SPAG16: variants seen among roughly 807,000 people sequenced by gnomAD.
SPAG16 encodes sperm-associated antigen 16 protein.
In SPAG16, 86 loss-of-function variants were observed where a neutral mutation model predicts 80.4. The observed-to-expected ratio is 1.07, with a 90% CI of 0.90 to 1.28. The LOEUF (loss-of-function observed/expected upper bound fraction) is 1.28, where lower values mean the gene tolerates loss of function less well. Among genes scored for constraint, SPAG16 ranks in the 50% most tolerant of loss-of-function variants. The pLI, the probability that SPAG16 is intolerant of heterozygous loss-of-function variation, is 0.00. For missense variants in SPAG16, 870 were observed against 765.3 expected (o/e 1.14, Z -1.61); for synonymous variants, 294 against 265.9 (o/e 1.11, Z -1.03).
intron 13 of SPAG16, among the ~76,000 whole-genome samples, chr2:214,100,656 G>A (rs2052948324): frequency 6.6e-6 from 1 of 151,978 alleles, no homozygotes; most frequent in Non-Finnish European, 1.5e-5. Context: ...GTTCCTTGTT[G>A]CTATGTTAGT....
chr2:213,801,524 A>G lies in SPAG16; in HGVS notation c.1071-60961A>G, dbSNP rs568705439. Among the ~76,000 whole-genome samples, 30 of 152,374 alleles carry G rather than the reference A, an allele frequency of 2.0e-4. 1 individual carries two copies. Among genetic ancestry groups the G allele is most frequent in the African/African-American group, 6.3e-4 (26 of 41,588 alleles). On this transcript the variant is annotated intron_variant, in intron 10 of 15. Coordinates refer to ENST00000331683, the MANE Select transcript of SPAG16 (RefSeq NM_024532.5). ...CACACAGTCTTTTCAGGATTACACA[A>G]TGAGGCACAGATCTTTACACACTGT... is the stretch of plus-strand genomic sequence containing the variant.
At chr2:213,528,902 T>C (rs1261014268) in intron 10 of SPAG16, among the ~76,000 whole-genome samples, 1 of 152,214 alleles carries the variant, frequency 6.6e-6, no homozygotes, top group African/African-American at 2.4e-5. Context: ...AAGCTTGATC[T>C]AAATGAAAGA....
At chr2:214,355,500 G>A (rs867849893) in intron 15 of SPAG16, among the ~76,000 whole-genome samples, 1,773 of 139,396 alleles carry the variant, frequency 0.013, 39 homozygotes, top group African/African-American at 0.043. Context: ...TTAGAATGGC[G>A]ATCATTAAAA....
chr2:214,046,132 C>G (rs1168676811), intron 13 of SPAG16, among the ~76,000 whole-genome samples: 1 of 152,040 alleles, frequency 6.6e-6, no homozygotes, highest in African/African-American at 2.4e-5. Context: ...ACACATACAA[C>G]CTACCAAGAT....
At chr2:213,453,967 A>G (rs1575627165) in intron 9 of SPAG16, among the ~76,000 whole-genome samples, 1 of 152,122 alleles carries the variant, frequency 6.6e-6, no homozygotes, top group Non-Finnish European at 1.5e-5. Flanking sequence ...CTTTCCATCT[A>G]TTCCTCTTTT....
chr2:213,664,787 C>T (rs1485649482), intron 10 of SPAG16, among the ~76,000 whole-genome samples: 1 of 151,864 alleles, frequency 6.6e-6, no homozygotes, highest in Non-Finnish European at 1.5e-5. Context: ...TCTCTTTCCT[C>T]TTTCTGAAAC....
intron 15 of SPAG16, among the ~76,000 whole-genome samples, chr2:214,386,698 C>CA (rs1700774548): frequency 6.6e-6 from 1 of 151,794 alleles, no homozygotes; most frequent in South Asian, 2.1e-4. Context: ...CCCATCCCTA[C>CA]AAAAAATAAA....
chr2:213,287,504 A>G (rs965541629), intron 1 of SPAG16, among the ~76,000 whole-genome samples: 1 of 152,226 alleles, frequency 6.6e-6, no homozygotes, highest in Admixed American at 6.5e-5. Context: ...CATGGACCCT[A>G]GGAAAGTGGA....
chr2:213,962,353 C>T (rs541493373), intron 12 of SPAG16, among the ~76,000 whole-genome samples: 4 of 151,930 alleles, frequency 2.6e-5, no homozygotes, highest in Admixed American at 6.5e-5. Flanking sequence ...CCACCAAGCC[C>T]GGCTAATTTT....
At chr2:213,311,383 C>A (rs2063179937) in intron 4 of SPAG16, among the ~76,000 whole-genome samples, 1 of 151,692 alleles carries the variant, frequency 6.6e-6, no homozygotes, top group Admixed American at 6.6e-5. Flanking sequence ...TGTGTTAGGA[C>A]ATGTGATGCT....
chr2:213,928,294 A>G (rs2078585421), intron 11 of SPAG16, among the ~76,000 whole-genome samples: 2 of 149,870 alleles, frequency 1.3e-5, no homozygotes, highest in Non-Finnish European at 3.0e-5. Context: ...GGGTTTCACC[A>G]TGTTAGCCAG....
chr2:214,298,419 G>A (rs983634719), intron 15 of SPAG16, among the ~76,000 whole-genome samples: 43 of 152,156 alleles, frequency 2.8e-4, no homozygotes, highest in African/African-American at 8.9e-4. Context: ...TTATCAGAAC[G>A]TAGAAACTGT....
intron 15 of SPAG16, among the ~76,000 whole-genome samples, chr2:214,149,660 G>C (rs969115473): frequency 1.3e-5 from 2 of 152,002 alleles, no homozygotes; most frequent in African/African-American, 4.8e-5. Flanking sequence ...AATATTTTTA[G>C]TGTAATAATT....
chr2:213,886,481 C>T (rs1255000003), intron 11 of SPAG16, among the ~76,000 whole-genome samples: 1 of 152,016 alleles, frequency 6.6e-6, no homozygotes, highest in Non-Finnish European at 1.5e-5. Context: ...GTGTCACTTT[C>T]TGATCCCCAA....
At chr2:214,198,146 GA>G (rs2057900316) in intron 15 of SPAG16, among the ~76,000 whole-genome samples, 1 of 151,822 alleles carries the variant, frequency 6.6e-6, no homozygotes, top group South Asian at 2.1e-4. Flanking sequence ...TGGTTACATG[GA>G]TAAGTTCTTC....
At chr2:213,439,772 A>C (rs1218362829) in intron 9 of SPAG16, among the ~76,000 whole-genome samples, 7 of 152,238 alleles carry the variant, frequency 4.6e-5, no homozygotes, top group Non-Finnish European at 7.3e-5. Flanking sequence ...TTGTAGATAA[A>C]CTCAGAATTA....
chr2:213,895,159 T>C (rs2076947827), intron 11 of SPAG16, among the ~76,000 whole-genome samples: 1 of 151,850 alleles, frequency 6.6e-6, no homozygotes, highest in African/African-American at 2.4e-5. Flanking sequence ...AAGAATTCAA[T>C]TCCATTAACA....
chr2:213,828,082 C>A (rs571881689), intron 10 of SPAG16, among the ~76,000 whole-genome samples: 3 of 151,944 alleles, frequency 2.0e-5, no homozygotes, highest in Non-Finnish European at 4.4e-5. Flanking sequence ...ATTGTTATTA[C>A]CCTTTTGAAT....
chr2:214,125,415 A>C (rs1172865159), intron 14 of SPAG16, among the ~76,000 whole-genome samples: 2 of 151,752 alleles, frequency 1.3e-5, no homozygotes, highest in Admixed American at 6.7e-5. Context: ...AAATGGTAAA[A>C]ACAGACTTTT....
Sources: gnomAD v4.1 joint callset for allele counts (sites outside exome capture counted in the v4.1 genomes callset) on GRCh38, gnomAD v4.1.1 for gene constraint, MANE v1.5 for transcripts, NCBI Gene and HGNC (gene_info 2026-07-23, HGNC 2026-07-21) for gene names.